The following HCN1 variants were observed in gnomAD, a reference collection of about 807,000 sequenced individuals.
HCN1 encodes hyperpolarization activated cyclic nucleotide gated potassium channel 1, also known as potassium/sodium hyperpolarization-activated cyclic nucleotide-gated channel 1.
In HCN1, 13 loss-of-function variants were observed where a neutral mutation model predicts 78.9. That is an observed-to-expected ratio of 0.16 (90% confidence interval 0.11 to 0.26). HCN1 has a LOEUF of 0.26. HCN1 is among the 10% of genes least tolerant of loss of function. HCN1 has a pLI of 1.00. For missense variants in HCN1, 810 were observed against 1,154.3 expected (o/e 0.70, Z 4.32); for synonymous variants, 552 against 455.5 (o/e 1.21, Z -2.70).
chr5:45,473,435 T>C (rs1323186241), intron 2 of HCN1, among the ~76,000 whole-genome samples: 3 of 151,828 alleles, frequency 2.0e-5, no homozygotes, highest in Non-Finnish European at 4.4e-5. Context: ...ACACTTAACT[T>C]TCAATTTTAT....
chr5:45,431,408 C>A (rs1290597571), intron 3 of HCN1, among the ~76,000 whole-genome samples: 1 of 152,090 alleles, frequency 6.6e-6, no homozygotes, highest in Non-Finnish European at 1.5e-5. Context: ...TTGATAGGTT[C>A]TTTTGCTGTG....
At chr5:45,547,187 C>G (rs1397287142) in intron 2 of HCN1, among the ~76,000 whole-genome samples, 1 of 151,708 alleles carries the variant, frequency 6.6e-6, no homozygotes, top group Non-Finnish European at 1.5e-5. Context: ...TGATATGTCT[C>G]CAACTATATT....
intron 2 of HCN1, among the ~76,000 whole-genome samples, chr5:45,475,102 C>T (rs1741485119): frequency 6.6e-6 from 1 of 151,690 alleles, no homozygotes; most frequent in Non-Finnish European, 1.5e-5. Flanking sequence ...CATTGTTTAT[C>T]AATAATGTAA....
chr5:45,641,026 G>T (rs1745445180), intron 2 of HCN1, among the ~76,000 whole-genome samples: 1 of 152,146 alleles, frequency 6.6e-6, no homozygotes, highest in African/African-American at 2.4e-5. Flanking sequence ...CAATGTGCTG[G>T]AGAGACTTGA....
At chr5:45,528,745 C>A (rs1742787488) in intron 2 of HCN1, among the ~76,000 whole-genome samples, 1 of 151,992 alleles carries the variant, frequency 6.6e-6, no homozygotes, top group Non-Finnish European at 1.5e-5. Flanking sequence ...AATCTATGAA[C>A]TCTGACAAGA....
chr5:45,572,382 C>T (rs561630361), intron 2 of HCN1, among the ~76,000 whole-genome samples: 2 of 152,242 alleles, frequency 1.3e-5, no homozygotes, highest in South Asian at 4.2e-4. Context: ...CATAAAACTT[C>T]ATTCTTTCAG....
In HCN1 at chr5:45,696,117, G is replaced by A. The variant is rs1337981082; in HGVS notation, c.-24C>T. 35 of 1,314,944 alleles carry A rather than the reference G, an allele frequency of 2.7e-5. No individual in the cohort carries two copies. Among genetic ancestry groups the A allele is most frequent in the Non-Finnish European group, 3.3e-5 (34 of 1,019,498 alleles). 81.5% of individuals were successfully genotyped at this position (1,314,944 alleles called of 1,614,324 possible). Reference sequence around the variant, plus strand: ...ATGCCCGGAGGACGCGGCCGGCGACGGCGCGGGCTCCAGACTCGCCGGCCG... The same window carrying A: ...ATGCCCGGAGGACGCGGCCGGCGACAGCGCGGGCTCCAGACTCGCCGGCCG... On this transcript the variant is annotated 5_prime_UTR_variant, in exon 1 of 8. Transcript: ENST00000303230.
chr5:45,444,669 T>C (rs1740749309), intron 3 of HCN1, among the ~76,000 whole-genome samples: 1 of 152,174 alleles, frequency 6.6e-6, no homozygotes, highest in Non-Finnish European at 1.5e-5. Context: ...TATAACAAGA[T>C]ATTCTTAAAT....
chr5:45,631,044 G>C (rs776761342), intron 2 of HCN1, among the ~76,000 whole-genome samples: 5 of 152,080 alleles, frequency 3.3e-5, no homozygotes, highest in Non-Finnish European at 7.4e-5. Context: ...ATGGTTGTCT[G>C]GGACCAAAAA....
intron 3 of HCN1, among the ~76,000 whole-genome samples, chr5:45,404,669 G>C (rs1459594761): frequency 8.1e-6 from 1 of 123,222 alleles, no homozygotes; most frequent in East Asian, 2.3e-4. Context: ...CTAAATTTAG[G>C]GAGTCAGGAT....
At chr5:45,567,334 A>T (rs1012801053) in intron 2 of HCN1, among the ~76,000 whole-genome samples, 11 of 151,848 alleles carry the variant, frequency 7.2e-5, no homozygotes, top group African/African-American at 2.7e-4. Flanking sequence ...TCCCTTTTCC[A>T]TGTAAAGGAA....
intron 2 of HCN1, among the ~76,000 whole-genome samples, chr5:45,582,781 G>T (rs1027485478): frequency 6.6e-6 from 1 of 152,140 alleles, no homozygotes; most frequent in Non-Finnish European, 1.5e-5. Flanking sequence ...AGATAATCGT[G>T]TGGTTTTTGT....
At chr5:45,445,754 C>T (rs1266706587) in intron 3 of HCN1, among the ~76,000 whole-genome samples, 4 of 152,112 alleles carry the variant, frequency 2.6e-5, no homozygotes, top group African/African-American at 4.8e-5. Flanking sequence ...CTGCAGACAC[C>T]GCTGCTGATA....
chr5:45,530,384 T>G (rs1483898483), intron 2 of HCN1, among the ~76,000 whole-genome samples: 1 of 151,456 alleles, frequency 6.6e-6, no homozygotes, highest in African/African-American at 2.4e-5. Context: ...AATATGTCAC[T>G]TTGTGGCTTG....
chr5:45,472,838 T>C (rs2111655074), intron 2 of HCN1, among the ~76,000 whole-genome samples: 1 of 152,130 alleles, frequency 6.6e-6, no homozygotes, highest in Middle Eastern at 3.4e-3. Flanking sequence ...ATACCTGTCA[T>C]CTTTTGTTAC....
chr5:45,605,788 C>T (rs2111970720), intron 2 of HCN1, among the ~76,000 whole-genome samples: 1 of 151,912 alleles, frequency 6.6e-6, no homozygotes, highest in South Asian at 2.1e-4. Flanking sequence ...ATGTATCACT[C>T]TGGTAATATT....
intron 1 of HCN1, among the ~76,000 whole-genome samples, chr5:45,651,771 G>C (rs1696616202): frequency 6.6e-6 from 1 of 151,822 alleles, no homozygotes. Context: ...TCATTGGCCA[G>C]GTTTGCTACT....
chr5:45,571,496 G>A (rs1579975994), intron 2 of HCN1, among the ~76,000 whole-genome samples: 1 of 152,238 alleles, frequency 6.6e-6, no homozygotes, highest in Admixed American at 6.5e-5. Context: ...AAGAATGGTG[G>A]GGATGAAAGA....
At chr5:45,289,991 T>C (rs1448051930) in intron 6 of HCN1, among the ~76,000 whole-genome samples, 1 of 151,980 alleles carries the variant, frequency 6.6e-6, no homozygotes, top group East Asian at 1.9e-4. Context: ...AATCTCATCT[T>C]GAATTGTAGC....
Sources: allele counts gnomAD v4.1 joint callset (sites outside exome capture counted in the v4.1 genomes callset), GRCh38; gene constraint gnomAD v4.1.1; transcripts MANE v1.5; gene names NCBI Gene and HGNC (gene_info 2026-07-23, HGNC 2026-07-21).